The following GMPR variants were observed in gnomAD, a reference collection of about 807,000 sequenced individuals.
GMPR encodes GMP reductase 1.
In GMPR, 31 loss-of-function variants were observed where a neutral mutation model predicts 38.4. The ratio of observed to expected loss-of-function variants is 0.81; its 90% CI spans 0.61 to 1.09. The LOEUF is 1.09. Ranked by LOEUF, GMPR falls within the 50% of genes least tolerant of loss-of-function variation. The pLI is 0.00. For synonymous variants in GMPR, 162 were observed against 173.3 expected, an observed-to-expected ratio of 0.93 and a Z score of 0.51; for missense variants, 468 against 453.7, an observed-to-expected ratio of 1.03 and a Z score of -0.29.
chr6:16,289,044 C>T (rs571264947), intron 7 of GMPR, among the ~76,000 whole-genome samples: 10 of 152,324 alleles, frequency 6.6e-5, no homozygotes, highest in African/African-American at 1.4e-4. Context: ...GTGGCAAACC[C>T]TTCTGGCTCC....
rs749116791 is a variant in GMPR at position 16,274,458 on chromosome 6, T to C, written c.509T>C (p.Leu170Pro). Residue 170 changes from leucine (L) to proline (P), a missense_variant, in exon 5 of 9, where the codon CTT (leucine) becomes CCT (proline). Leu to Pro is a moderately conservative substitution (Grantham distance 98, BLOSUM62 -3). Coordinates refer to ENST00000259727, the MANE Select transcript of GMPR (RefSeq NM_006877.4). ...GGAGAAATGGTAGAAGAGCTTATTC[T>C]TTCCGGAGCAGATATCATCAAAGTG... is the stretch of plus-strand genomic sequence containing the variant. Reference protein sequence around the residue: ...VTGEMVEELILSGADIIKVGV... With the variant: ...VTGEMVEELIPSGADIIKVGV... 7.5e-6 allele frequency: 12 copies of C among 1,610,436 alleles called. No homozygotes were observed. The South Asian group carries it at 7.7e-5, about 10-fold the overall frequency.
intron 4 of GMPR, among the ~76,000 whole-genome samples, chr6:16,269,111 G>A (rs1298020049): frequency 6.6e-6 from 1 of 151,786 alleles, no homozygotes; most frequent in African/African-American, 2.4e-5. Context: ...ATGGGTAAAG[G>A]AGCAATATAC....
intron 4 of GMPR, among the ~76,000 whole-genome samples, chr6:16,268,705 C>A (rs537300251): frequency 2.6e-4 from 40 of 152,248 alleles, no homozygotes; most frequent in African/African-American, 9.6e-4. Flanking sequence ...TGCAAGAGGA[C>A]CCCAGAAAAA....
chr6:16,267,365 G>A lies in GMPR; in HGVS notation c.466-7050G>A, dbSNP rs147633726. 8.2e-3 allele frequency among the ~76,000 whole-genome samples: 1,228 copies of A among 150,368 alleles called. 8 individuals carry two copies. The highest frequency in any genetic ancestry group is 0.014 in the Non-Finnish European group (937 of 67,298). ...CCGGCCTGGGTGAGAGGGAGACTCC[G>A]TCTCAAAAAACAAAGAGCTGTAACA... On this transcript the variant is annotated intron_variant, in intron 4 of 8. Coordinates refer to ENST00000259727, the MANE Select transcript of GMPR (RefSeq NM_006877.4).
chr6:16,279,149 G>T (rs1425349298), intron 6 of GMPR, among the ~76,000 whole-genome samples: 1 of 152,226 alleles, frequency 6.6e-6, no homozygotes, highest in African/African-American at 2.4e-5. Flanking sequence ...TCAGAGCACA[G>T]GGTAGGCCAG....
intron 3 of GMPR, among the ~76,000 whole-genome samples, chr6:16,253,231 T>C (rs1758908677): frequency 6.6e-6 from 1 of 152,220 alleles, no homozygotes; most frequent in South Asian, 2.1e-4. Context: ...CCTTGGGAAA[T>C]TTTATCCCTT....
In GMPR at chr6:16,254,628, G is replaced by T. The variant is rs370707259; in HGVS notation, c.358G>T (p.Val120Leu). The change falls in exon 4 of 9, where the codon GTG (valine) becomes TTG (leucine). Residue 120 changes from valine to leucine, a missense_variant. Transcript: ENST00000259727. ...AAAGATGACCAGCATCCTGGAAGCT[G>T]TGCCACAGGTTAAGTTTATTTGCCT... is the stretch of plus-strand genomic sequence containing the variant. ...LEKMTSILEA[V>L]PQVKFICLDV... 6.2e-7 allele frequency: 1 copy of T among 1,613,634 alleles called. No homozygotes were observed. Among genetic ancestry groups the T allele is most frequent in the Admixed American group, 1.7e-5 (1 of 60,024 alleles).
chr6:16,269,432 G>A (rs1217068459), intron 4 of GMPR, among the ~76,000 whole-genome samples: 1 of 152,138 alleles, frequency 6.6e-6, no homozygotes, highest in Non-Finnish European at 1.5e-5. Context: ...TTTGCCCAGA[G>A]ACCTTTTGTC....
At chr6:16,272,777 A>G (rs1304383528) in intron 4 of GMPR, among the ~76,000 whole-genome samples, 2 of 152,042 alleles carry the variant, frequency 1.3e-5, no homozygotes, top group African/African-American at 4.8e-5. Flanking sequence ...CTACCTGGGT[A>G]TTTGTTGATT....
At chr6:16,292,721 C>G (rs1486934718) in intron 8 of GMPR, among the ~76,000 whole-genome samples, 1 of 152,148 alleles carries the variant, frequency 6.6e-6, no homozygotes, top group Non-Finnish European at 1.5e-5. Flanking sequence ...CCTGGAGTAC[C>G]TTTTTCACCC....
intron 6 of GMPR, among the ~76,000 whole-genome samples, chr6:16,279,824 G>A (rs1759545175): frequency 6.6e-6 from 1 of 152,188 alleles, no homozygotes; most frequent in Non-Finnish European, 1.5e-5. Flanking sequence ...GCACTAGGGA[G>A]CTATTGCAGA....
intron 4 of GMPR, chr6:16,262,073 G>A (rs1476976131): frequency 5.9e-5 from 9 of 151,800 alleles, no homozygotes; most frequent in African/African-American, 1.9e-4. Flanking sequence ...AAGCCTGGCC[G>A]TCAATACCTA....
intron 1 of GMPR, among the ~76,000 whole-genome samples, chr6:16,246,072 C>T (rs567826989): frequency 6.6e-6 from 1 of 152,274 alleles, no homozygotes; most frequent in South Asian, 2.1e-4. Flanking sequence ...GGTGGGTGGG[C>T]AGACAGGCTG....
intron 4 of GMPR, among the ~76,000 whole-genome samples, chr6:16,266,133 CCATCTTTAAGAGCTGTAACACT>C (rs1561826957): frequency 6.6e-5 from 7 of 106,362 alleles, no homozygotes; most frequent in African/African-American, 3.4e-4. Context: ...GTAACACTTG[CCATCTTTAAGAGCTGTAACACT>C]TGCCATCTTT....
At chr6:16,280,317 C>T (rs1759552824) in intron 6 of GMPR, among the ~76,000 whole-genome samples, 1 of 152,160 alleles carries the variant, frequency 6.6e-6, no homozygotes. Flanking sequence ...GTCTTTCACT[C>T]GCTGTCCAGT....
intron 2 of GMPR, among the ~76,000 whole-genome samples, chr6:16,249,135 C>T (rs1184972181): frequency 7.3e-5 from 11 of 149,890 alleles, no homozygotes; most frequent in Admixed American, 7.3e-4. Context: ...GCCTTTTCCT[C>T]TTCCCCGCCA....
intron 1 of GMPR, among the ~76,000 whole-genome samples, chr6:16,242,175 A>G (rs1265127410): frequency 6.6e-6 from 1 of 152,246 alleles, no homozygotes; most frequent in African/African-American, 2.4e-5. Flanking sequence ...CAGTCTGCTT[A>G]AAACTTCATA....
At position 16,290,510 on chromosome 6, in the gene GMPR, CG is replaced by C; in HGVS notation, c.748del (p.Glu250SerfsTer20). ...VMLGGMFSGH[T>X]ECAGEVFERN... Reference sequence around the variant, plus strand: ...CTGGGAGGAATGTTTTCGGGTCATACGGAGTGTGCTGGAGAAGTGTTTGAGA... The same window carrying C: ...CTGGGAGGAATGTTTTCGGGTCATACGAGTGTGCTGGAGAAGTGTTTGAGA... On this transcript the variant is annotated frameshift_variant, in exon 8 of 9. Transcript: ENST00000259727. LOFTEE classifies it high-confidence loss of function. 1 of 1,613,808 alleles carries C rather than the reference CG, an allele frequency of 6.2e-7. No individual in the cohort carries two copies. Among genetic ancestry groups the C allele is most frequent in the Non-Finnish European group, 8.5e-7 (1 of 1,179,740 alleles).
intron 4 of GMPR, among the ~76,000 whole-genome samples, chr6:16,263,953 G>GC (rs1366337869): frequency 1.3e-5 from 2 of 151,722 alleles, no homozygotes; most frequent in African/African-American, 2.4e-5. Flanking sequence ...GGGGTTTCTT[G>GC]CCCCCCAGAA....
Sources: allele counts gnomAD v4.1 joint callset (sites outside exome capture counted in the v4.1 genomes callset), GRCh38; gene constraint gnomAD v4.1.1; transcripts MANE v1.5; gene names NCBI Gene and HGNC (gene_info 2026-07-23, HGNC 2026-07-21).